The following IMPG2 variants were observed in gnomAD, a reference collection of about 807,000 sequenced individuals.
IMPG2 encodes the protein IPM 200.
A neutral mutation model predicts 129.2 loss-of-function variants in IMPG2; 91 were observed. The observed-to-expected ratio is 0.70, with a 90% CI of 0.59 to 0.84. The LOEUF (loss-of-function observed/expected upper bound fraction) is 0.84. Ranked by LOEUF, IMPG2 falls within the 40% of genes least tolerant of loss-of-function variation. The pLI is 0.00. For missense variants in IMPG2, 1,430 were observed against 1,461.7 expected (o/e 0.98, Z 0.35); for synonymous variants, 510 against 517.7 (o/e 0.99, Z 0.20).
chr3:101,266,711 G>A (rs1706724454), intron 9 of IMPG2, among the ~76,000 whole-genome samples: 1 of 152,138 alleles, frequency 6.6e-6, no homozygotes, highest in African/African-American at 2.4e-5. Context: ...TGCCAGCTGT[G>A]CTCCTGTGGA....
intron 2 of IMPG2, among the ~76,000 whole-genome samples, chr3:101,304,765 C>T (rs781415386): frequency 4.0e-5 from 6 of 151,674 alleles, no homozygotes; most frequent in South Asian, 2.1e-4. Flanking sequence ...GAGACACTGA[C>T]GTTTATAAAT....
In IMPG2 at chr3:101,244,570, T is replaced by C. The variant is rs770504933; in HGVS notation, c.1761A>G (p.Pro587=). Residue 587 remains proline (P), a synonymous_variant, in exon 13 of 19, where the codon CCA becomes CCG. Transcript: ENST00000193391. ...KDQLKVSPFL[P]DASMEKELIF... is the part of the protein sequence containing the mutation. The stretch of plus-strand genomic sequence containing the variant: ...TTAACTCTTTTTCCATGGATGCATC[T>C]GGCAGGAAAGGGCTCACTTTTAATT... The C allele has an allele frequency of 3.1e-6, 5 of 1,591,542 alleles. No individual in the cohort carries two copies. In the South Asian group the frequency reaches 4.6e-5, roughly 15 times the overall value.
At chr3:101,303,420 T>C (rs1707158041) in intron 3 of IMPG2, among the ~76,000 whole-genome samples, 1 of 152,172 alleles carries the variant, frequency 6.6e-6, no homozygotes. Context: ...AGCTAAATCT[T>C]CTAGGCTGAG....
Position 101,244,305 on chromosome 3 carries a change from A to G in IMPG2, c.2026T>C (p.Phe676Leu). Reference sequence around the variant, plus strand: ...CCACTAAGAGGCTCTTCCTCTGGAAAGTGTGTGGATCTGTCATCATGTTCA... The same window carrying G: ...CCACTAAGAGGCTCTTCCTCTGGAAGGTGTGTGGATCTGTCATCATGTTCA... ...KYEHDDRSTH[F>L]PEEEPLSGPA... is the part of the protein sequence containing the mutation. Residue 676 changes from phenylalanine to leucine, a missense_variant, in exon 13 of 19, where the codon TTT becomes CTT. Transcript: ENST00000193391. 1 of 1,614,024 alleles carries G rather than the reference A, an allele frequency of 6.2e-7. No homozygotes were observed. Among genetic ancestry groups the G allele is most frequent in the Non-Finnish European group, 8.5e-7 (1 of 1,179,976 alleles).
rs1175806633 is a variant in IMPG2 at position 101,276,726 on chromosome 3, A to G, written c.534-13T>C. ...AGACAGTTCAGAGCTAGAAAAAAAA[A>G]TGTTTGCAGTTAATAAAATGACAGA... On this transcript the variant is annotated splice_polypyrimidine_tract_variant and intron_variant, in intron 4 of 18. Transcript: ENST00000193391. 6.2e-7 allele frequency: 1 copy of G among 1,602,382 alleles called. No individual in the cohort carries two copies. The highest frequency in any genetic ancestry group is 8.5e-7 in the Non-Finnish European group (1 of 1,169,958).
chr3:101,256,195 A>AAGAAAGAG (rs1706604019), intron 10 of IMPG2, among the ~76,000 whole-genome samples: 1 of 151,080 alleles, frequency 6.6e-6, no homozygotes, highest in Non-Finnish European at 1.5e-5. Flanking sequence ...GAAAGAAAGA[A>AAGAAAGAG]AGAAAGAAAG....
chr3:101,305,886 C>T (rs1174320586), intron 2 of IMPG2, among the ~76,000 whole-genome samples: 1 of 152,032 alleles, frequency 6.6e-6, no homozygotes, highest in East Asian at 1.9e-4. Flanking sequence ...GCGCAGGACA[C>T]TGTAGGTAAC....
rs143823900 is a variant in IMPG2 at position 101,291,023 on chromosome 3, C to T, written c.533+456G>A. ...AGAAACGACCTTAGCTCTAAGCCCA[C>T]AGTGAACAGAGTCAAGAATCATAAT... On this transcript the variant is annotated intron_variant, in intron 4 of 18. Coordinates refer to ENST00000193391, the MANE Select transcript of IMPG2 (RefSeq NM_016247.4). Among the ~76,000 whole-genome samples, 39 of 152,270 alleles carry T rather than the reference C, an allele frequency of 2.6e-4. 1 individual carries two copies. The East Asian group carries it at 7.1e-3, about 28-fold the overall frequency.
intron 11 of IMPG2, among the ~76,000 whole-genome samples, chr3:101,250,739 A>G (rs763053233): frequency 3.3e-5 from 5 of 152,218 alleles, no homozygotes; most frequent in African/African-American, 4.8e-5. Context: ...CATTTGGGTT[A>G]GCATATTCCA....
At chr3:101,253,153 T>A (rs1706562463) in intron 11 of IMPG2, among the ~76,000 whole-genome samples, 1 of 152,152 alleles carries the variant, frequency 6.6e-6, no homozygotes, top group South Asian at 2.1e-4. Flanking sequence ...CCCATGCTGT[T>A]TCTATGCAAG....
intron 8 of IMPG2, among the ~76,000 whole-genome samples, chr3:101,268,927 T>G (rs1706749039): frequency 6.6e-6 from 1 of 152,202 alleles, no homozygotes; most frequent in South Asian, 2.1e-4. Flanking sequence ...GTATTAATAA[T>G]ATCTATCCTG....
intron 4 of IMPG2, among the ~76,000 whole-genome samples, chr3:101,286,078 C>G (rs1706942979): frequency 6.6e-6 from 1 of 152,010 alleles, no homozygotes; most frequent in South Asian, 2.1e-4. Flanking sequence ...CTTAAATTCT[C>G]TACGCCATAA....
chr3:101,244,855 A>AG, intron 12 of IMPG2, 68 bp from the exon 13 acceptor site: 1 of 1,357,276 alleles, frequency 7.4e-7, no homozygotes, highest in Non-Finnish European at 1.0e-6. Context: ...TCTCCTAATA[A>AG]AACTAGTTGC....
chr3:101,291,340 T>C, intron 4 of IMPG2, 139 bp downstream of exon 4: 1 of 752,716 alleles, frequency 1.3e-6, no homozygotes, highest in East Asian at 2.6e-5. Flanking sequence ...GGAAAAATAT[T>C]TGGGACTTAT....
intron 10 of IMPG2, among the ~76,000 whole-genome samples, chr3:101,255,177 T>A (rs1706585400): frequency 6.6e-6 from 1 of 152,110 alleles, no homozygotes; most frequent in African/African-American, 2.4e-5. Flanking sequence ...GAGGATCATA[T>A]CTTTTGAGAT....
chr3:101,257,370 A>T (rs116043191), intron 10 of IMPG2, among the ~76,000 whole-genome samples, 159 bp downstream of exon 10: 2,248 of 152,240 alleles, frequency 0.015, 54 homozygotes, highest in African/African-American at 0.052. Context: ...ATCTATCCAA[A>T]ATAGCTGCAT....
intron 11 of IMPG2, among the ~76,000 whole-genome samples, chr3:101,250,705 A>G (rs1271564601): frequency 6.6e-6 from 1 of 152,216 alleles, no homozygotes; most frequent in Non-Finnish European, 1.5e-5. Context: ...AACTAGAGCA[A>G]ACAGACTTGG....
intron 3 of IMPG2, among the ~76,000 whole-genome samples, chr3:101,297,628 CT>C (rs1707094521): frequency 2.0e-5 from 3 of 152,182 alleles, no homozygotes; most frequent in Non-Finnish European, 2.9e-5. Flanking sequence ...CAAATAACTT[CT>C]TGATTTCTGC....
At chr3:101,239,648 T>C (rs1706384800) in intron 14 of IMPG2, among the ~76,000 whole-genome samples, 1 of 152,172 alleles carries the variant, frequency 6.6e-6, no homozygotes, top group Non-Finnish European at 1.5e-5. Context: ...CTATTCACAA[T>C]AGCAAAGACT....
Sources: allele counts gnomAD v4.1 joint callset (sites outside exome capture counted in the v4.1 genomes callset), GRCh38; gene constraint gnomAD v4.1.1; transcripts MANE v1.5; gene names NCBI Gene and HGNC (gene_info 2026-07-23, HGNC 2026-07-21).